The following LGSN variants were observed in gnomAD, a reference collection of about 807,000 sequenced individuals.
LGSN encodes lengsin.
Under a neutral mutation model 19.5 loss-of-function variants are expected in LGSN, and 21 were observed. The ratio of observed to expected loss-of-function variants is 1.07; its 90% confidence interval spans 0.76 to 1.55. LGSN has a LOEUF of 1.55. Among genes scored for constraint, LGSN ranks in the 40% most tolerant of loss-of-function variants. The probability of loss-of-function intolerance (pLI) is 0.00; values close to 1 mark genes in which losing one functional copy is unlikely to be tolerated. For missense variants in LGSN, 673 were observed against 608.5 expected (o/e 1.11, Z -1.12); for synonymous variants, 257 against 215.6 (o/e 1.19, Z -1.68).
the LGSN span, among the ~76,000 whole-genome samples, chr6:63,536,106 T>A: frequency 6.6e-6 from 1 of 151,242 alleles, no homozygotes; most frequent in Admixed American, 6.6e-5. Context: ...CCGAGGCCGG[T>A]GCATCACCTG....
chr6:63,407,681 G>T, the LGSN span, among the ~76,000 whole-genome samples: 4 of 152,132 alleles, frequency 2.6e-5, no homozygotes, highest in African/African-American at 9.7e-5. Flanking sequence ...TCTGGCCAGG[G>T]CAATTAGGCA....
At chr6:63,356,935 C>A in the LGSN span, among the ~76,000 whole-genome samples, 9 of 151,928 alleles carry the variant, frequency 5.9e-5, no homozygotes, top group African/African-American at 1.9e-4. Flanking sequence ...CACCCATTAA[C>A]TCGTCATTTA....
chr6:63,407,963 A>C, the LGSN span, among the ~76,000 whole-genome samples: 1 of 152,170 alleles, frequency 6.6e-6, no homozygotes, highest in African/African-American at 2.4e-5. Context: ...CTAGGAATCC[A>C]ACTTACAAGG....
At chr6:63,570,034 A>G in the LGSN span, among the ~76,000 whole-genome samples, 3 of 152,234 alleles carry the variant, frequency 2.0e-5, no homozygotes, top group African/African-American at 4.8e-5. Flanking sequence ...ACAAGCAGGA[A>G]CATTTAATGG....
At chr6:63,429,360 A>G in the LGSN span, among the ~76,000 whole-genome samples, 2 of 152,186 alleles carry the variant, frequency 1.3e-5, no homozygotes, top group African/African-American at 2.4e-5. Context: ...ACAAATATAA[A>G]CAAAATCTAT....
At chr6:63,477,820 T>C in the LGSN span, among the ~76,000 whole-genome samples, 1 of 149,696 alleles carries the variant, frequency 6.7e-6, no homozygotes, top group Non-Finnish European at 1.5e-5. Context: ...AGATTACAGG[T>C]ATGAGTCATC....
chr6:63,445,869 G>A, the LGSN span, among the ~76,000 whole-genome samples: 2 of 152,050 alleles, frequency 1.3e-5, no homozygotes, highest in Admixed American at 1.3e-4. Flanking sequence ...TCCTTCTGAA[G>A]TATCTCAGAC....
chr6:63,424,024 A>G, the LGSN span, among the ~76,000 whole-genome samples: 2 of 152,182 alleles, frequency 1.3e-5, no homozygotes, highest in African/African-American at 4.8e-5. Context: ...TGGGCAACAG[A>G]GCAAAACTCT....
intron 1 of LGSN, among the ~76,000 whole-genome samples, chr6:63,300,484 T>C (rs1328186140): frequency 6.6e-6 from 1 of 151,930 alleles, no homozygotes; most frequent in Non-Finnish European, 1.5e-5. Context: ...CTAGGCAACA[T>C]GGTGAGATGC....
chr6:63,377,170 A>G, the LGSN span, among the ~76,000 whole-genome samples: 1 of 152,266 alleles, frequency 6.6e-6, no homozygotes, highest in Non-Finnish European at 1.5e-5. Context: ...TCTGACTTAT[A>G]GTAAACATTT....
Position 63,276,830 on chromosome 6 carries a change from T to C in LGSN, c.*3191A>G, listed in dbSNP as rs1320102. 67,634 of 152,048 alleles carry C rather than the reference T, an allele frequency of 0.44. 15,543 individuals are homozygous for C. Among genetic ancestry groups the C allele is most frequent in the Non-Finnish European group, 0.48 (32,525 of 67,988 alleles). The allele number at this position is 152,048 out of a possible 1,614,324, so 9.4% of individuals were successfully genotyped here. On this transcript the variant is annotated 3_prime_UTR_variant, in exon 4 of 4. Coordinates refer to ENST00000370657, the MANE Select transcript of LGSN (RefSeq NM_016571.3). ...AGGTAGAAGCATCAGCAGAAAGTCC[T>C]TTCAACAATAGAAAGCCTATGAACA...
At chr6:63,337,489 T>C in the LGSN span, among the ~76,000 whole-genome samples, 1 of 147,482 alleles carries the variant, frequency 6.8e-6, no homozygotes, top group South Asian at 2.2e-4. Flanking sequence ...ATTTTAAAAA[T>C]AAATAAATAA....
At chr6:63,549,172 T>C in the LGSN span, 1 of 685,064 alleles carries the variant, frequency 1.5e-6, no homozygotes, top group East Asian at 2.6e-5. Context: ...GCCAACAGCC[T>C]CTGTTTCTTC....
chr6:63,538,941 G>A, the LGSN span, among the ~76,000 whole-genome samples: 1 of 152,164 alleles, frequency 6.6e-6, no homozygotes. Context: ...CACCCAGGCT[G>A]CAGTGCAGTG....
chr6:63,362,099 TATG>T, the LGSN span, among the ~76,000 whole-genome samples: 4 of 152,322 alleles, frequency 2.6e-5, no homozygotes, highest in East Asian at 7.7e-4. Flanking sequence ...TGTCATCACT[TATG>T]ATAACAATAC....
At chr6:63,316,489 C>T (rs914969273) in intron 1 of LGSN, among the ~76,000 whole-genome samples, 4 of 152,016 alleles carry the variant, frequency 2.6e-5, no homozygotes, top group African/African-American at 9.7e-5. Flanking sequence ...TTACAAAGGT[C>T]TAACACCATG....
chr6:63,338,369 A>G, the LGSN span, among the ~76,000 whole-genome samples: 7 of 152,300 alleles, frequency 4.6e-5, no homozygotes, highest in East Asian at 9.6e-4. Context: ...TCTGCTCTTC[A>G]GGCCCTCACT....
chr6:63,437,446 G>C, the LGSN span, among the ~76,000 whole-genome samples: 1 of 152,028 alleles, frequency 6.6e-6, no homozygotes, highest in Non-Finnish European at 1.5e-5. Context: ...TTTTGAGACA[G>C]AGTCTCACTC....
the LGSN span, among the ~76,000 whole-genome samples, chr6:63,545,481 C>G: frequency 6.6e-6 from 1 of 152,028 alleles, no homozygotes; most frequent in Non-Finnish European, 1.5e-5. Flanking sequence ...CGTGGTGGCA[C>G]ATGCCTGTAA....
Sources: allele counts gnomAD v4.1 joint callset (sites outside exome capture counted in the v4.1 genomes callset), GRCh38; gene constraint gnomAD v4.1.1; transcripts MANE v1.5; gene names NCBI Gene and HGNC (gene_info 2026-07-23, HGNC 2026-07-21).